The following TRPS1 variants were observed in gnomAD, a reference collection of about 807,000 sequenced individuals.
TRPS1 encodes the protein transcriptional repressor GATA binding 1.
Under a neutral mutation model 101.2 loss-of-function variants are expected in TRPS1, and 6 were observed. The observed-to-expected ratio is 0.06, with a 90% CI of 0.03 to 0.12. The LOEUF (loss-of-function observed/expected upper bound fraction) is 0.12, where lower values mean the gene tolerates loss of function less well. Among genes scored for constraint, TRPS1 ranks in the 10% least tolerant of loss-of-function variants. The pLI, the probability that TRPS1 is intolerant of heterozygous loss-of-function variation, is 1.00. For synonymous variants in TRPS1, 578 were observed against 589.8 expected (o/e 0.98, Z 0.29); for missense variants, 1,363 against 1,567.0 (o/e 0.87, Z 2.20).
Position 115,604,334 on chromosome 8 carries a change from A to G in TRPS1, c.1635T>C (p.Tyr545=). 1 of 1,614,074 alleles carries G rather than the reference A, an allele frequency of 6.2e-7. No homozygotes were observed. The change falls in exon 4 of 7, where the codon TAT becomes TAC. Residue 545 remains tyrosine, a synonymous_variant. Coordinates refer to ENST00000395715, the MANE Select transcript of TRPS1 (RefSeq NM_014112.5). The surrounding 1 kb of genome is among the most constrained non-coding windows in gnomAD (Gnocchi z 4.1). ...SYNCQFCDFR[Y]SKSHGPDVIV... is the part of the protein sequence containing the mutation. ...TTACATCAGGGCCATGGCTTTTGGA[A>G]TATCGGAAGTCACAGAACTGACAAT...
chr8:115,443,851 A>G (rs1813666889), intron 5 of TRPS1, among the ~76,000 whole-genome samples: 1 of 152,206 alleles, frequency 6.6e-6, no homozygotes, highest in African/African-American at 2.4e-5. Context: ...GGCTGACACC[A>G]ACATTTGGAT....
At chr8:115,485,325 T>C (rs1418383793) in intron 5 of TRPS1, among the ~76,000 whole-genome samples, 1 of 152,140 alleles carries the variant, frequency 6.6e-6, no homozygotes, top group East Asian at 1.9e-4. Context: ...ACCAGAGAGC[T>C]TGGAAAAGTA....
intron 5 of TRPS1, among the ~76,000 whole-genome samples, chr8:115,422,462 G>T (rs1439477278): frequency 6.6e-6 from 1 of 152,090 alleles, no homozygotes; most frequent in Non-Finnish European, 1.5e-5. Context: ...CGCCTCCCGG[G>T]TTCAAGTGAT....
intron 5 of TRPS1, among the ~76,000 whole-genome samples, chr8:115,509,281 G>A (rs1050988446): frequency 1.3e-5 from 2 of 151,998 alleles, no homozygotes; most frequent in South Asian, 4.1e-4. Flanking sequence ...ATCACACTAG[G>A]CTTCTATTTA....
chr8:115,610,382 T>C (rs1186157379), intron 3 of TRPS1, among the ~76,000 whole-genome samples: 1 of 152,202 alleles, frequency 6.6e-6, no homozygotes, highest in South Asian at 2.1e-4. Context: ...TCTGCATGTA[T>C]AGTGCTTCAA....
At chr8:115,573,924 A>C (rs1303872764) in intron 5 of TRPS1, among the ~76,000 whole-genome samples, 1 of 152,170 alleles carries the variant, frequency 6.6e-6, no homozygotes, top group Non-Finnish European at 1.5e-5. Context: ...AAACAAGCTC[A>C]GAAAACCTTT....
chr8:115,491,561 T>A (rs1332823134), intron 5 of TRPS1, among the ~76,000 whole-genome samples: 3 of 151,912 alleles, frequency 2.0e-5, no homozygotes, highest in Non-Finnish European at 2.9e-5. Flanking sequence ...GGGAGGATTG[T>A]TTGAGATTAC....
chr8:115,534,284 C>T (rs1053298878), intron 5 of TRPS1, among the ~76,000 whole-genome samples: 13 of 146,912 alleles, frequency 8.8e-5, no homozygotes, highest in Non-Finnish European at 1.7e-4. Context: ...GCTCTAACCC[C>T]GATACCATCA....
At chr8:115,535,256 TATATATAGC>T (rs1563582953) in intron 5 of TRPS1, among the ~76,000 whole-genome samples, 1 of 34,782 alleles carries the variant, frequency 2.9e-5, no homozygotes, top group African/African-American at 1.5e-4. Context: ...ATATATAGCA[TATATATAGC>T]ATATATATAG....
At chr8:115,525,575 A>C (rs575006576) in intron 5 of TRPS1, among the ~76,000 whole-genome samples, 1 of 152,160 alleles carries the variant, frequency 6.6e-6, no homozygotes, top group African/African-American at 2.4e-5. Context: ...TCTCAATCTG[A>C]TTATTTAGCA....
intron 5 of TRPS1, among the ~76,000 whole-genome samples, chr8:115,519,842 T>C (rs976759566): frequency 1.3e-5 from 2 of 151,662 alleles, no homozygotes; most frequent in African/African-American, 4.8e-5. Context: ...ATTAATTATA[T>C]TGAATATAAT....
intron 5 of TRPS1, among the ~76,000 whole-genome samples, chr8:115,470,795 A>C (rs1038353897): frequency 6.6e-6 from 1 of 152,234 alleles, no homozygotes; most frequent in Non-Finnish European, 1.5e-5. Flanking sequence ...CAAGACATGA[A>C]AAAAACATTA....
chr8:115,440,458 A>G (rs2129875825), intron 5 of TRPS1, among the ~76,000 whole-genome samples: 1 of 152,312 alleles, frequency 6.6e-6, no homozygotes, highest in African/African-American at 2.4e-5. Flanking sequence ...TCATCAGGAA[A>G]AGGTGCCTGT....
At chr8:115,618,140 T>G (rs1818311451) in intron 3 of TRPS1, among the ~76,000 whole-genome samples, 2 of 152,172 alleles carry the variant, frequency 1.3e-5, no homozygotes, top group African/African-American at 4.8e-5. Context: ...AAGGGATTTA[T>G]TTCATTAGTT....
At chr8:115,570,545 G>A (rs1298176371) in intron 5 of TRPS1, among the ~76,000 whole-genome samples, 1 of 151,978 alleles carries the variant, frequency 6.6e-6, no homozygotes, top group Non-Finnish European at 1.5e-5. Context: ...CTCTCAGTCT[G>A]CTAAAGGAGG....
rs190536283 is a variant in TRPS1, at chr8:115,413,813, C to G, written c.*210G>C. 2 of 579,412 alleles carry G rather than the reference C, an allele frequency of 3.5e-6. No individual in the cohort carries two copies. The highest frequency in any genetic ancestry group is 4.7e-4 in the Middle Eastern group (1 of 2,148). 35.9% of individuals were successfully genotyped at this position (579,412 alleles called of 1,614,324 possible). Reference sequence around the variant, plus strand: ...GTTTTAAAAAGTGATTGTTTACCATCTTCCATTCTTTCTCATTGACCATTT... The same window carrying G: ...GTTTTAAAAAGTGATTGTTTACCATGTTCCATTCTTTCTCATTGACCATTT... On this transcript the variant is annotated 3_prime_UTR_variant, in exon 7 of 7. Transcript: ENST00000395715.
chr8:115,522,791 A>T (rs182848214), intron 5 of TRPS1, among the ~76,000 whole-genome samples: 1 of 152,288 alleles, frequency 6.6e-6, no homozygotes, highest in East Asian at 1.9e-4. Flanking sequence ...TGTTCTCAGC[A>T]AAGATTAGTA....
At chr8:115,441,635 T>C (rs1813595292) in intron 5 of TRPS1, among the ~76,000 whole-genome samples, 1 of 152,014 alleles carries the variant, frequency 6.6e-6, no homozygotes. Flanking sequence ...GGTGTTCATT[T>C]TGTAATATAT....
intron 5 of TRPS1, among the ~76,000 whole-genome samples, chr8:115,558,100 A>G (rs1816866600): frequency 6.6e-6 from 1 of 152,070 alleles, no homozygotes; most frequent in African/African-American, 2.4e-5. Flanking sequence ...GAAAAAAAAA[A>G]AAAAGGCTTT....
Sources: gnomAD v4.1 joint callset for allele counts (sites outside exome capture counted in the v4.1 genomes callset) on GRCh38, gnomAD v4.1.1 for gene constraint, Gnocchi (gnomAD v3.1) non-coding constraint, MANE v1.5 for transcripts, NCBI Gene and HGNC (gene_info 2026-07-23, HGNC 2026-07-21) for gene names.